Variants in RANBP17 observed in about 807,000 individuals in gnomAD.
The protein encoded by RANBP17 is RAN binding protein 17, also known as ran-binding protein 17.
In RANBP17, 158 loss-of-function variants were observed where a neutral mutation model predicts 141.2. That is an observed-to-expected ratio of 1.12 (90% confidence interval 0.98 to 1.28). RANBP17 has a LOEUF of 1.28. RANBP17 is among the 50% of genes most tolerant of loss of function. The pLI is 0.00. For missense variants in RANBP17, 1,438 were observed against 1,290.7 expected (o/e 1.11, Z -1.75); for synonymous variants, 430 against 450.0 (o/e 0.96, Z 0.56).
chr5:171,280,444 A>AT (rs1767785686), intron 25 of RANBP17, among the ~76,000 whole-genome samples: 1 of 151,970 alleles, frequency 6.6e-6, no homozygotes, highest in African/African-American at 2.4e-5. Context: ...CACCCAGCTA[A>AT]TTTTTTTGTA....
At chr5:170,931,999 G>T (rs1486557590) in intron 12 of RANBP17, among the ~76,000 whole-genome samples, 2 of 152,160 alleles carry the variant, frequency 1.3e-5, no homozygotes, top group African/African-American at 4.8e-5. Context: ...ACCTTGGGCA[G>T]TATGGCCATT....
At chr5:171,206,490 A>G (rs1258307308) in intron 20 of RANBP17, 2 of 156,192 alleles carry the variant, frequency 1.3e-5, no homozygotes, top group East Asian at 3.4e-4. Context: ...TCTAAGTGTT[A>G]TATAATGCTT....
At chr5:171,286,217 G>A (rs1330858217) in intron 25 of RANBP17, among the ~76,000 whole-genome samples, 3 of 152,172 alleles carry the variant, frequency 2.0e-5, no homozygotes, top group African/African-American at 7.2e-5. Flanking sequence ...GCTAATATAT[G>A]ACCAAAACCA....
intron 21 of RANBP17, among the ~76,000 whole-genome samples, chr5:171,218,144 T>C (rs542066231): frequency 1.3e-5 from 2 of 152,332 alleles, no homozygotes; most frequent in South Asian, 4.1e-4. Flanking sequence ...AATTTTGTTA[T>C]TTACCCAGTA....
chr5:171,105,723 G>GAA (rs34497482), intron 14 of RANBP17, among the ~76,000 whole-genome samples: 3,225 of 148,858 alleles, frequency 0.022, 43 homozygotes, highest in Middle Eastern at 0.035. Context: ...GTCTCAAAAA[G>GAA]AAAAAAAAAA....
rs1310849878 is a variant in RANBP17 at position 171,088,159 on chromosome 5, G to T, written c.1711-81971G>T. On this transcript the variant is annotated intron_variant, in intron 14 of 27. Transcript: ENST00000523189. Reference sequence around the variant, plus strand: ...TCAGGAGCTCTTTTAGGGCAGGCCTGGTGGTGACAAAATCGGTCAGCATTT... The same window carrying T: ...TCAGGAGCTCTTTTAGGGCAGGCCTTGTGGTGACAAAATCGGTCAGCATTT... Among the ~76,000 whole-genome samples, 509 of 150,912 alleles carry T rather than the reference G, an allele frequency of 3.4e-3. 3 individuals carry two copies. Among genetic ancestry groups the T allele is most frequent in the African/African-American group, 0.012 (489 of 40,962 alleles).
chr5:171,244,294 A>G (rs1474943092), intron 24 of RANBP17, among the ~76,000 whole-genome samples: 7 of 151,576 alleles, frequency 4.6e-5, no homozygotes, highest in African/African-American at 1.7e-4. Context: ...TCGGGAGGCC[A>G]AGGCAGGAGA....
intron 24 of RANBP17, among the ~76,000 whole-genome samples, chr5:171,254,481 C>CT (rs1765765472): frequency 6.6e-6 from 1 of 152,064 alleles, no homozygotes; most frequent in South Asian, 2.1e-4. Flanking sequence ...TAAACAAACC[C>CT]TTTGAAGATT....
intron 14 of RANBP17, among the ~76,000 whole-genome samples, chr5:171,049,582 C>A (rs767364511): frequency 1.3e-5 from 2 of 152,058 alleles, no homozygotes; most frequent in Non-Finnish European, 2.9e-5. Context: ...AGGTTAGTTT[C>A]CAGGGTTTTT....
chr5:171,211,665 A>G (rs1020919060), intron 20 of RANBP17, among the ~76,000 whole-genome samples: 11 of 145,468 alleles, frequency 7.6e-5, no homozygotes, highest in Non-Finnish European at 1.3e-4. Flanking sequence ...GTGTCTCTGG[A>G]AAGTGTCAAA....
chr5:170,885,811 GT>G (rs1226084766), intron 3 of RANBP17, among the ~76,000 whole-genome samples: 1 of 150,380 alleles, frequency 6.6e-6, no homozygotes, highest in Non-Finnish European at 1.5e-5. Flanking sequence ...TACCTATTAG[GT>G]TTATTAGATC....
At chr5:171,174,482 A>C (rs1201997041) in intron 16 of RANBP17, among the ~76,000 whole-genome samples, 1 of 152,180 alleles carries the variant, frequency 6.6e-6, no homozygotes, top group Non-Finnish European at 1.5e-5. Context: ...AATCAAGTAA[A>C]CTTACTTATT....
At chr5:171,201,659 T>C (rs1043818256) in intron 19 of RANBP17, among the ~76,000 whole-genome samples, 3 of 152,246 alleles carry the variant, frequency 2.0e-5, no homozygotes, top group Non-Finnish European at 2.9e-5. Context: ...GCATTTGTTG[T>C]GACAGACCTT....
At chr5:171,054,923 G>A (rs1783239194) in intron 14 of RANBP17, among the ~76,000 whole-genome samples, 1 of 152,102 alleles carries the variant, frequency 6.6e-6, no homozygotes, top group South Asian at 2.1e-4. Context: ...AGGGTGGAGA[G>A]GCGCACATTT....
chr5:171,044,901 A>G (rs1782471089), intron 14 of RANBP17, among the ~76,000 whole-genome samples: 1 of 152,088 alleles, frequency 6.6e-6, no homozygotes, highest in Non-Finnish European at 1.5e-5. Context: ...TGCTGGATAC[A>G]AAGAGTTTGG....
At chr5:170,970,322 T>C (rs1439900735) in intron 14 of RANBP17, among the ~76,000 whole-genome samples, 1 of 152,050 alleles carries the variant, frequency 6.6e-6, no homozygotes, top group Non-Finnish European at 1.5e-5. Flanking sequence ...TGCGTGCTTA[T>C]TTTGTACCAG....
intron 14 of RANBP17, among the ~76,000 whole-genome samples, chr5:171,059,495 A>C (rs1783657772): frequency 6.6e-6 from 1 of 151,390 alleles, no homozygotes; most frequent in Admixed American, 6.6e-5. Flanking sequence ...GTTATTTCTG[A>C]GGGCTCTGTT....
intron 14 of RANBP17, among the ~76,000 whole-genome samples, chr5:171,081,374 GATTT>G (rs1312028404): frequency 2.0e-5 from 3 of 152,130 alleles, no homozygotes; most frequent in Non-Finnish European, 4.4e-5. Flanking sequence ...CTGCAGATTT[GATTT>G]ATTATGAATG....
chr5:170,978,705 G>T (rs2127545940), intron 14 of RANBP17, among the ~76,000 whole-genome samples: 1 of 152,300 alleles, frequency 6.6e-6, no homozygotes, highest in South Asian at 2.1e-4. Context: ...CCTTTGGGTA[G>T]GGAGAATATT....
Sources: gnomAD v4.1 joint callset for allele counts (sites outside exome capture counted in the v4.1 genomes callset) on GRCh38, gnomAD v4.1.1 for gene constraint, MANE v1.5 for transcripts, NCBI Gene and HGNC (gene_info 2026-07-23, HGNC 2026-07-21) for gene names.